ZNF383: variants seen among roughly 807,000 people sequenced by gnomAD.
ZNF383 encodes zinc finger protein 383.
Under a neutral mutation model 44.2 loss-of-function variants are expected in ZNF383, and 32 were observed. That is an observed-to-expected ratio of 0.72 (90% CI 0.55 to 0.97). The LOEUF is 0.97. Among genes scored for constraint, ZNF383 ranks in the 50% least tolerant of loss-of-function variants. The pLI is 0.00. For missense variants in ZNF383, 487 were observed against 562.5 expected (o/e 0.87, Z 1.36); for synonymous variants, 155 against 186.2 (o/e 0.83, Z 1.36).
chr19:37,229,121 A>G (rs903710842), intron 2 of ZNF383, among the ~76,000 whole-genome samples: 1 of 137,630 alleles, frequency 7.3e-6, no homozygotes, highest in Admixed American at 7.3e-5. Flanking sequence ...AAACAGCCTC[A>G]CCTTTTGGCA....
chr19:37,236,379 T>TA (rs1399481890), intron 5 of ZNF383, among the ~76,000 whole-genome samples: 1 of 151,928 alleles, frequency 6.6e-6, no homozygotes, highest in Non-Finnish European at 1.5e-5. Context: ...TAGCTTTTTT[T>TA]ACTCTCTCTC....
rs780954548 is a variant in ZNF383, at chr19:37,242,701, A to G, written c.465A>G (p.Thr155=). Residue 155 remains threonine (T), a synonymous_variant, in exon 6 of 6, where the codon ACA becomes ACG. Transcript: ENST00000684119. ...ACATGCCCACATTTATTCAACAGACATTCCTTACTCTCCATCAAATAATTA... is the reference window on the plus strand; with the variant it reads ...ACATGCCCACATTTATTCAACAGACGTTCCTTACTCTCCATCAAATAATTA... ...PEYMPTFIQQ[T]FLTLHQIINN... 6 of 1,614,000 alleles carry G rather than the reference A, an allele frequency of 3.7e-6. No homozygotes were observed. The African/African-American group carries it at 6.7e-5, about 18-fold the overall frequency.
Position 37,246,795 on chromosome 19 carries a change from A to G in ZNF383, c.*3131A>G, listed in dbSNP as rs920498754. 7.9e-5 allele frequency: 12 copies of G among 152,136 alleles called. No homozygotes were observed. Among genetic ancestry groups the G allele is most frequent in the African/African-American group, 2.9e-4 (12 of 41,430 alleles). The allele number at this position is 152,136 out of a possible 1,614,324, so 9.4% of individuals were successfully genotyped here. A position where few individuals can be genotyped will look rare whatever the true frequency, so the allele number is the denominator to read the frequency against. On this transcript the variant is annotated 3_prime_UTR_variant, in exon 6 of 6. Coordinates refer to ENST00000684119, the MANE Select transcript of ZNF383 (RefSeq NM_001387601.1). ...GACAGAGCGAGACTCTGTCTTACAAAATAAAAAATAAACGGTTACCAATCT... is the reference window on the plus strand; with the variant it reads ...GACAGAGCGAGACTCTGTCTTACAAGATAAAAAATAAACGGTTACCAATCT...
chr19:37,238,756 A>T (rs1380754471), intron 5 of ZNF383, among the ~76,000 whole-genome samples: 5 of 152,130 alleles, frequency 3.3e-5, no homozygotes, highest in Admixed American at 1.3e-4. Flanking sequence ...GGTCTTGTGG[A>T]CCTTGAATTT....
intron 5 of ZNF383, among the ~76,000 whole-genome samples, chr19:37,238,643 C>T (rs1973937472): frequency 6.6e-6 from 1 of 151,992 alleles, no homozygotes; most frequent in Non-Finnish European, 1.5e-5. Context: ...ATGAGCAAAG[C>T]GGGAATTGTA....
intron 1 of ZNF383, among the ~76,000 whole-genome samples, chr19:37,224,599 C>A (rs1226573024): frequency 6.6e-6 from 1 of 152,004 alleles, no homozygotes; most frequent in East Asian, 1.9e-4. Flanking sequence ...GTCACCCAGG[C>A]TGGAGTGCAG....
At chr19:37,234,107 A>G (rs1247191677) in intron 3 of ZNF383, among the ~76,000 whole-genome samples, 1 of 151,532 alleles carries the variant, frequency 6.6e-6, no homozygotes, top group Non-Finnish European at 1.5e-5. Flanking sequence ...CAGATGATCC[A>G]CCCACCTCGG....
chr19:37,225,709 C>T (rs10406612), intron 2 of ZNF383, among the ~76,000 whole-genome samples: 25,548 of 151,572 alleles, frequency 0.17, 2,463 homozygotes, highest in African/African-American at 0.27. Context: ...CAAGTAGTAA[C>T]GGGATACAAT....
At chr19:37,232,756 T>C (rs909505109) in intron 3 of ZNF383, among the ~76,000 whole-genome samples, 2 of 152,208 alleles carry the variant, frequency 1.3e-5, no homozygotes, top group South Asian at 4.1e-4. Flanking sequence ...TCCATTTAAT[T>C]ACCAGTTTTC....
Position 37,236,021 on chromosome 19 carries a change from AAG to A in ZNF383, c.180_181del (p.Gly61GlufsTer23). On this transcript the variant is annotated frameshift_variant, in exon 5 of 6. Transcript: ENST00000684119. LOFTEE classifies it high-confidence loss of function. ...CCTCAAGTGATCTCCTTATTGGAAC[AAG>A]GGAAAGAGCCCTGGATGGTTGGCAG... 6.2e-7 allele frequency: 1 copy of A among 1,613,954 alleles called. No individual in the cohort carries two copies. Among genetic ancestry groups the A allele is most frequent in the Non-Finnish European group, 8.5e-7 (1 of 1,179,926 alleles).
intron 5 of ZNF383, among the ~76,000 whole-genome samples, chr19:37,237,121 T>G (rs1042694388): frequency 1.6e-4 from 24 of 152,154 alleles, no homozygotes; most frequent in Admixed American, 6.6e-5. Context: ...TCCTGGTTTG[T>G]GTAAGGGAAT....
chr19:37,226,540 T>C (rs1257609571), intron 2 of ZNF383: 2 of 152,218 alleles, frequency 1.3e-5, no homozygotes, highest in Non-Finnish European at 2.9e-5. Context: ...GTCTCCATAG[T>C]TTTGCCTTTT....
chr19:37,226,859 G>A (rs184490925), intron 2 of ZNF383, among the ~76,000 whole-genome samples: 53 of 152,016 alleles, frequency 3.5e-4, no homozygotes, highest in Non-Finnish European at 5.9e-4. Flanking sequence ...TTGCTCTGTT[G>A]CCAGGCTAGA....
chr19:37,227,563 A>G (rs1384230010), intron 2 of ZNF383: 2 of 152,352 alleles, frequency 1.3e-5, no homozygotes, highest in South Asian at 2.0e-4. Context: ...GTGTGTGGAG[A>G]CGAGAGATTG....
Position 37,243,321 on chromosome 19 carries a change from G to T in ZNF383, c.1085G>T (p.Gly362Val). Residue 362 changes from glycine (G) to valine (V), a missense_variant, in exon 6 of 6, where the codon GGT (glycine) becomes GTT (valine). Gly to Val is a moderately radical substitution (Grantham distance 109). Coordinates refer to ENST00000684119, the MANE Select transcript of ZNF383 (RefSeq NM_001387601.1). ...ACTAATCATCAGAGAATTCACACTG[G>T]TGAGAAACCCTATGATTGTAAGGAA... The part of the protein sequence containing the change: ...ALTNHQRIHT[G>V]EKPYDCKECG... 6.2e-7 allele frequency: 1 copy of T among 1,614,122 alleles called. No individual in the cohort carries two copies. The highest frequency in any genetic ancestry group is 8.5e-7 in the Non-Finnish European group (1 of 1,180,016).
In ZNF383 at chr19:37,246,987, T is replaced by C. The variant is rs1974396793; in HGVS notation, c.*3323T>C. ...AGGATAACCATCAAATATCTGATTATTAATTCAATATTCCCTCTTAATTAA... is the reference window on the plus strand; with the variant it reads ...AGGATAACCATCAAATATCTGATTACTAATTCAATATTCCCTCTTAATTAA... On this transcript the variant is annotated 3_prime_UTR_variant, in exon 6 of 6. Transcript: ENST00000684119. The C allele has an allele frequency of 6.6e-6, 1 of 152,230 alleles. No individual in the cohort carries two copies. The highest frequency in any genetic ancestry group is 6.5e-5 in the Admixed American group (1 of 15,284). The allele number at this position is 152,230 out of a possible 1,614,324, so 9.4% of individuals were successfully genotyped here. A position where few individuals can be genotyped will look rare whatever the true frequency, so the allele number is the denominator to read the frequency against.
At position 37,245,919 on chromosome 19, in the gene ZNF383, C is replaced by G. The variant is rs1974354698; in HGVS notation, c.*2255C>G. 6.7e-6 allele frequency: 1 copy of G among 149,760 alleles called. No individual in the cohort carries two copies. The highest frequency in any genetic ancestry group is 2.5e-5 in the African/African-American group (1 of 40,578). 9.3% of individuals were successfully genotyped at this position (149,760 alleles called of 1,614,324 possible). ...TCAAGTGAGTCTTCCGCCTCAGCCT[C>G]CCGAGTAGCTGGGACTACAGGCGCG... On this transcript the variant is annotated 3_prime_UTR_variant, in exon 6 of 6. Coordinates refer to ENST00000684119, the MANE Select transcript of ZNF383 (RefSeq NM_001387601.1).
intron 5 of ZNF383, among the ~76,000 whole-genome samples, chr19:37,240,192 G>C (rs926205036): frequency 1.3e-5 from 2 of 151,692 alleles, no homozygotes; most frequent in Admixed American, 6.6e-5. Flanking sequence ...AGAGCATATA[G>C]AGATAGGAGG....
In ZNF383 at chr19:37,242,773, T is replaced by TA; in HGVS notation, c.538dup (p.Ser180LysfsTer16). The stretch of plus-strand genomic sequence containing the variant: ...AATGTAAGAAATGTGGAAAGGCCTT[T>TA]AGTCAGAACTCACAATTTATTCAAC... On this transcript the variant is annotated frameshift_variant, in exon 6 of 6. Transcript: ENST00000684119. LOFTEE classifies it high-confidence loss of function. 6.2e-7 allele frequency: 1 copy of TA among 1,614,116 alleles called. No homozygotes were observed. The highest frequency in any genetic ancestry group is 8.5e-7 in the Non-Finnish European group (1 of 1,179,990).
Sources: allele counts gnomAD v4.1 joint callset (sites outside exome capture counted in the v4.1 genomes callset), GRCh38; gene constraint gnomAD v4.1.1; transcripts MANE v1.5; gene names NCBI Gene and HGNC (gene_info 2026-07-23, HGNC 2026-07-21).